The following DLEC1 variants were observed in gnomAD, a reference collection of about 807,000 sequenced individuals.
DLEC1 encodes the protein DLEC1 cilia and flagella associated protein.
A neutral mutation model predicts 198.1 loss-of-function variants in DLEC1; 146 were observed. The observed-to-expected ratio is 0.74, with a 90% CI of 0.64 to 0.85. The LOEUF (loss-of-function observed/expected upper bound fraction) is 0.85. Ranked by LOEUF, DLEC1 falls within the 40% of genes least tolerant of loss-of-function variation. The pLI is 0.00. For synonymous variants in DLEC1, 897 were observed against 866.8 expected (o/e 1.03, Z -0.61); for missense variants, 2,233 against 2,220.0 (o/e 1.01, Z -0.12).
chr3:38,061,902 C>T (rs1696706906), intron 3 of DLEC1, among the ~76,000 whole-genome samples: 1 of 152,166 alleles, frequency 6.6e-6, no homozygotes, highest in Non-Finnish European at 1.5e-5. Context: ...GGTGTCAACT[C>T]CTGGGCTTAA....
rs201004506 is a variant in DLEC1, at chr3:38,097,263, A to G, written c.2422A>G (p.Thr808Ala). 146 of 1,581,386 alleles carry G rather than the reference A, an allele frequency of 9.2e-5. No homozygotes were observed. The highest frequency in any genetic ancestry group is 1.1e-4 in the Non-Finnish European group (132 of 1,162,520). ...DCHIIEVEPG[T>A]GVIEPSEVGD... ...CCACATCATTGAAGTGGAGCCCGGC[A>G]CAGGGGTCATAGGTACCTTGGGGAC... The change falls in exon 16 of 37, where the codon ACA becomes GCA. Residue 808 changes from threonine to alanine, a missense_variant. Transcript: ENST00000308059.
chr3:38,086,800 C>T (rs1249299644), intron 9 of DLEC1, among the ~76,000 whole-genome samples: 5 of 152,108 alleles, frequency 3.3e-5, no homozygotes, highest in Admixed American at 6.5e-5. Flanking sequence ...TTTGGCCAGG[C>T]GCAGTGGCTC....
intron 23 of DLEC1, among the ~76,000 whole-genome samples, chr3:38,110,994 CCACATACA>C (rs1196552821): frequency 2.6e-5 from 4 of 151,950 alleles, no homozygotes; most frequent in African/African-American, 9.7e-5. Flanking sequence ...ACACACACAC[CCACATACA>C]CACATACACA....
intron 6 of DLEC1, among the ~76,000 whole-genome samples, chr3:38,077,682 C>T (rs903491883): frequency 1.3e-5 from 2 of 152,112 alleles, no homozygotes; most frequent in African/African-American, 4.8e-5. Context: ...CTGGGATGGC[C>T]TTCTCAGACC....
intron 12 of DLEC1, among the ~76,000 whole-genome samples, chr3:38,094,173 A>C (rs1007872643): frequency 4.2e-4 from 64 of 152,244 alleles, no homozygotes; most frequent in African/African-American, 1.4e-3. Flanking sequence ...AGGGGAAGCC[A>C]TCCAAGTCCC....
chr3:38,058,025 G>C (rs917968597), intron 2 of DLEC1, among the ~76,000 whole-genome samples: 1 of 151,848 alleles, frequency 6.6e-6, no homozygotes, highest in African/African-American at 2.4e-5. Flanking sequence ...CCGTGGTCTC[G>C]ATCTCCTGAC....
chr3:38,048,732 G>A (rs1442138335), intron 2 of DLEC1, among the ~76,000 whole-genome samples: 1 of 152,186 alleles, frequency 6.6e-6, no homozygotes, highest in African/African-American at 2.4e-5. Context: ...TGTCTCAGGA[G>A]TGTTGATGAC....
chr3:38,060,183 G>A (rs113531471), intron 3 of DLEC1, among the ~76,000 whole-genome samples: 6 of 152,200 alleles, frequency 3.9e-5, no homozygotes, highest in Non-Finnish European at 7.3e-5. Flanking sequence ...GCAAGGGAGC[G>A]TGTACCTGAT....
In DLEC1 at chr3:38,122,958, T is replaced by C; in HGVS notation, c.*546T>C. On this transcript the variant is annotated 3_prime_UTR_variant, in exon 37 of 37. Coordinates refer to ENST00000308059, the MANE Select transcript of DLEC1 (RefSeq NM_007335.4). ...CTGCCACCACCACCAGTGCTGAGTT[T>C]TCCCATGTGGTTTTGCTTTTGTGGT... The C allele has an allele frequency of 2.2e-6, 3 of 1,360,776 alleles. No homozygotes were observed. Among genetic ancestry groups the C allele is most frequent in the Non-Finnish European group, 3.1e-6 (3 of 958,842 alleles). The allele number at this position is 1,360,776 out of a possible 1,614,324, so 84.3% of individuals were successfully genotyped here.
intron 3 of DLEC1, among the ~76,000 whole-genome samples, chr3:38,060,369 G>A (rs1384532694): frequency 5.3e-5 from 8 of 152,192 alleles, no homozygotes; most frequent in African/African-American, 1.7e-4. Flanking sequence ...TGGGGTGGGA[G>A]GCTGTGATGT....
chr3:38,048,595 A>C lies in DLEC1; in HGVS notation c.562+2902A>C, dbSNP rs546393904. On this transcript the variant is annotated intron_variant, in intron 2 of 36. Transcript: ENST00000308059. ...GTGTAGGAACTAAACTTAGATGATC[A>C]AACGACTTCCCTGAAGCCCCACAGC... 1.9e-3 allele frequency among the ~76,000 whole-genome samples: 286 copies of C among 152,350 alleles called. 1 individual carries two copies. Among genetic ancestry groups the C allele is most frequent in the African/African-American group, 6.6e-3 (273 of 41,576 alleles).
chr3:38,095,174 A>ACAGCTG lies in DLEC1; in HGVS notation c.2112+103_2112+104insCAGCTG. On this transcript the variant is annotated intron_variant, in intron 13 of 36. Coordinates refer to ENST00000308059, the MANE Select transcript of DLEC1 (RefSeq NM_007335.4). ...ACTGAAGCCACAGCTGGGCCCACCG[A>ACAGCTG]GGTGCTATCCTGCCCAGGCCAGCAC... 2.1e-6 allele frequency: 3 copies of ACAGCTG among 1,446,866 alleles called. 1 individual carries two copies. The highest frequency in any genetic ancestry group is 2.6e-5 in the South Asian group (2 of 77,244). The allele number at this position is 1,446,866 out of a possible 1,614,324, so 89.6% of individuals were successfully genotyped here.
At position 38,085,522 on chromosome 3, in the gene DLEC1, G is replaced by A. The variant is rs531116762; in HGVS notation, c.1435+75G>A. 36 of 1,558,606 alleles carry A rather than the reference G, an allele frequency of 2.3e-5. 1 individual carries two copies. The highest frequency in any genetic ancestry group is 4.4e-4 in the Middle Eastern group (2 of 4,556). On this transcript the variant is annotated intron_variant, in intron 8 of 36. Coordinates refer to ENST00000308059, the MANE Select transcript of DLEC1 (RefSeq NM_007335.4). ...CCCATAAGGACTGCCTGCCTCTCAG[G>A]TTCCCTTTGTATCAGCACACAGCTT...
intron 11 of DLEC1, 73 bp from the exon 12 acceptor site, chr3:38,093,532 G>C (rs2125690842): frequency 6.4e-7 from 1 of 1,563,432 alleles, no homozygotes; most frequent in East Asian, 2.3e-5. Context: ...TGGCGGCATG[G>C]GTCCTGCAGC....
chr3:38,057,536 A>G (rs1258962674), intron 2 of DLEC1, among the ~76,000 whole-genome samples: 2 of 152,250 alleles, frequency 1.3e-5, no homozygotes, highest in Non-Finnish European at 2.9e-5. Context: ...GATCTCACAA[A>G]GATAAAGATA....
chr3:38,120,433 T>A lies in DLEC1; in HGVS notation c.4705-15T>A. On this transcript the variant is annotated splice_polypyrimidine_tract_variant and intron_variant, in intron 33 of 36. Transcript: ENST00000308059. ...CTCTGCAGCCGGAGTTGACACCATGTCCACATCTGCTCAGGTGAACGTGTC... is the reference window on the plus strand; with the variant it reads ...CTCTGCAGCCGGAGTTGACACCATGACCACATCTGCTCAGGTGAACGTGTC... The A allele has an allele frequency of 6.2e-7, 1 of 1,614,000 alleles. No homozygotes were observed. The highest frequency in any genetic ancestry group is 1.7e-5 in the Admixed American group (1 of 60,004).
rs762316705 is a variant in DLEC1, at chr3:38,122,296, G to A, written c.5152G>A (p.Glu1718Lys). The A allele has an allele frequency of 2.5e-6, 4 of 1,612,788 alleles. No homozygotes were observed. Among genetic ancestry groups the A allele is most frequent in the Non-Finnish European group, 3.4e-6 (4 of 1,179,176 alleles). ...LQVFFTARSSELYESTMVVEG... is the reference protein window; with the variant it reads ...LQVFFTARSSKLYESTMVVEG... Reference sequence around the variant, plus strand: ...CCCACATGCTCCCCACAGGAGTAGTGAGCTGTACGAGTCCACGATGGTGGT... The same window carrying A: ...CCCACATGCTCCCCACAGGAGTAGTAAGCTGTACGAGTCCACGATGGTGGT... The change falls in exon 37 of 37, where the codon GAG (glutamate) becomes AAG (lysine). Residue 1718 changes from glutamate to lysine, a missense_variant. By Grantham distance (56) the Glu-to-Lys change is moderately conservative. Coordinates refer to ENST00000308059, the MANE Select transcript of DLEC1 (RefSeq NM_007335.4).
intron 8 of DLEC1, 61 bp downstream of exon 8, chr3:38,085,508 T>C: frequency 1.3e-6 from 2 of 1,583,162 alleles, no homozygotes; most frequent in South Asian, 2.3e-5. Context: ...CCATAAGGAC[T>C]GCCTGCCTCT....
intron 33 of DLEC1, among the ~76,000 whole-genome samples, chr3:38,119,225 C>T (rs952097279): frequency 3.3e-5 from 5 of 152,226 alleles, no homozygotes; most frequent in African/African-American, 9.6e-5. Context: ...CTTCTGGCTC[C>T]TGGCCAGAAT....
Sources: gnomAD v4.1 joint callset for allele counts (sites outside exome capture counted in the v4.1 genomes callset) on GRCh38, gnomAD v4.1.1 for gene constraint, MANE v1.5 for transcripts, NCBI Gene and HGNC (gene_info 2026-07-23, HGNC 2026-07-21) for gene names.